The following REXO1 variants were observed in gnomAD, a reference collection of about 807,000 sequenced individuals.
The protein encoded by REXO1 is RNA exonuclease 1 homolog.
REXO1 carries 42 observed loss-of-function variants against 102.6 expected under a neutral mutation model. That is an observed-to-expected ratio of 0.41 (90% CI 0.32 to 0.53). REXO1 has a LOEUF of 0.53. Ranked by LOEUF, REXO1 falls within the 20% of genes least tolerant of loss-of-function variation. The probability of loss-of-function intolerance (pLI) is 0.27; values close to 1 mark genes in which losing one functional copy is unlikely to be tolerated. For synonymous variants in REXO1, 908 were observed against 779.1 expected, an observed-to-expected ratio of 1.17 and a Z score of -2.76; for missense variants, 1,819 against 1,732.5, an observed-to-expected ratio of 1.05 and a Z score of -0.89.
intron 6 of REXO1, 59 bp downstream of exon 6, chr19:1,820,205 G>A (rs1354458946): frequency 1.3e-6 from 2 of 1,568,170 alleles, no homozygotes; most frequent in Non-Finnish European, 1.7e-6. Flanking sequence ...GATGTCTGGG[G>A]ACCACCCTGG....
At chr19:1,821,460 G>A in intron 5 of REXO1, 59 bp downstream of exon 5, 1 of 1,604,516 alleles carries the variant, frequency 6.2e-7, no homozygotes, top group Non-Finnish European at 8.5e-7. Flanking sequence ...GTCCCATGTG[G>A]CCGGGCCTCA....
chr19:1,816,781 G>A lies in REXO1; in HGVS notation c.3234C>T (p.Arg1078=), dbSNP rs752687347. 16 of 1,612,816 alleles carry A rather than the reference G, an allele frequency of 9.9e-6. No homozygotes were observed. Among genetic ancestry groups the A allele is most frequent in the South Asian group, 2.2e-5 (2 of 91,078 alleles). ...GCACGTCCGTGTCGACCACCGTGAC[G>A]CGCGTCAGCTCCAGGCCATATGTGG... ...SYTTYGLELT[R]VTVVDTDVHV... Residue 1078 remains arginine, a synonymous_variant, in exon 13 of 16, where the codon CGC becomes CGT. Coordinates refer to ENST00000170168, the MANE Select transcript of REXO1 (RefSeq NM_020695.4).
rs541125625 is a variant in REXO1, at chr19:1,815,903, G to C, written c.*163C>G. The C allele has an allele frequency of 6.5e-7, 1 of 1,532,180 alleles. No individual in the cohort carries two copies. The highest frequency in any genetic ancestry group is 2.0e-5 in the Admixed American group (1 of 50,906). 94.9% of individuals were successfully genotyped at this position (1,532,180 alleles called of 1,614,324 possible). ...GGGGTGCGGCAGGACGTGAGCGGGG[G>C]TGGGCTGGGCTGGGCGTTCTCTGGC... On this transcript the variant is annotated 3_prime_UTR_variant, in exon 16 of 16. Transcript: ENST00000170168. The surrounding 1 kb of genome is among the most constrained non-coding windows in gnomAD (Gnocchi z 4.0).
Position 1,816,229 on chromosome 19 carries a change from G to T in REXO1, c.3573C>A (p.Asp1191Glu). ...AGGGCAGGCACCGGCACTCACCATTGTCCTGGATGATCTGTCTGAGGTAGT... is the reference window on the plus strand; with the variant it reads ...AGGGCAGGCACCGGCACTCACCATTTTCCTGGATGATCTGTCTGAGGTAGT... ...MADYLRQIIQ[D>E]NVDGHSSSED... The change falls in exon 15 of 16, where the codon GAC becomes GAA. Residue 1191 changes from aspartate (D) to glutamate (E), a missense_variant. By Grantham distance (45) the Asp-to-Glu change is conservative. Transcript: ENST00000170168. 1 of 1,584,274 alleles carries T rather than the reference G, an allele frequency of 6.3e-7. No homozygotes were observed.
intron 3 of REXO1, among the ~76,000 whole-genome samples, chr19:1,825,299 C>CAA (rs34910037): frequency 2.3e-3 from 142 of 60,852 alleles, no homozygotes; most frequent in Middle Eastern, 0.013. Context: ...GACTCCGTCT[C>CAA]AAAAAAAAAA....
At position 1,816,083 on chromosome 19, in the gene REXO1, C is replaced by T. The variant is rs1276949112; in HGVS notation, c.3649G>A (p.Ala1217Thr). 18 of 1,546,094 alleles carry T rather than the reference C, an allele frequency of 1.2e-5. No homozygotes were observed. The highest frequency in any genetic ancestry group is 1.7e-4 in the Middle Eastern group (1 of 6,018). Residue 1217 changes from alanine (A) to threonine (T), a missense_variant, in exon 16 of 16, where the codon GCC becomes ACC. Transcript: ENST00000170168. ...HLVIWKVREDAKTKR is the reference protein window; with the variant it reads ...HLVIWKVREDTKTKR ...GGCAGGCGTCATCGCTTGGTCTTGG[C>T]GTCTTCTCGAACCTTCCAGATCACC...
At chr19:1,817,132 A>AG in intron 12 of REXO1, 87 bp downstream of exon 12, 2 of 806,494 alleles carry the variant, frequency 2.5e-6, no homozygotes, top group Non-Finnish European at 3.5e-6. Flanking sequence ...CCGGTGAGCC[A>AG]GGCCCAGATG....
intron 1 of REXO1, among the ~76,000 whole-genome samples, chr19:1,829,869 G>A (rs1011980188): frequency 1.1e-4 from 16 of 152,158 alleles, no homozygotes; most frequent in Admixed American, 3.9e-4. Context: ...CTTTGAACTC[G>A]TAGACTCAAG....
intron 5 of REXO1, among the ~76,000 whole-genome samples, 164 bp downstream of exon 5, chr19:1,821,355 A>C (rs554244908): frequency 6.6e-6 from 1 of 151,880 alleles, no homozygotes; most frequent in East Asian, 1.9e-4. Flanking sequence ...AAAAAAAAAA[A>C]AAAAACACCA....
Position 1,826,746 on chromosome 19 carries a change from G to C in REXO1, c.1911+132C>G. On this transcript the variant is annotated intron_variant, in intron 2 of 15. Coordinates refer to ENST00000170168, the MANE Select transcript of REXO1 (RefSeq NM_020695.4). This position sits in a 1 kb window ranked among gnomAD's most constrained non-coding sequence, Gnocchi z 4.3. ...GCTCCTGAGATTTCAACGGGCTCAG[G>C]GACCAGCACTGAGGAGCTGCCTCCA... 1 of 1,414,076 alleles carries C rather than the reference G, an allele frequency of 7.1e-7. No individual in the cohort carries two copies. The highest frequency in any genetic ancestry group is 9.3e-7 in the Non-Finnish European group (1 of 1,074,184). 87.6% of individuals were successfully genotyped at this position (1,414,076 alleles called of 1,614,324 possible).
chr19:1,823,840 G>A (rs1287697743), intron 3 of REXO1, 55 bp from the exon 4 acceptor site: 8 of 847,892 alleles, frequency 9.4e-6, no homozygotes, highest in African/African-American at 5.3e-5. Flanking sequence ...CCTGGAGCAG[G>A]CGACCCCGGG....
rs2050239743 is a variant in REXO1, at chr19:1,827,457, G to A, written c.1332C>T (p.Ala444=). Residue 444 remains alanine, a synonymous_variant, in exon 2 of 16, where the codon GCC becomes GCT. Transcript: ENST00000170168. The part of the protein sequence containing the change: ...KKKPSSATPV[A]TSGKGRPDRP... ...GGTCAGGCCTCCCTTTCCCTGAGGT[G>A]GCCACAGGAGTGGCCGAAGATGGCT... 6.4e-7 allele frequency: 1 copy of A among 1,565,158 alleles called. No homozygotes were observed. Among genetic ancestry groups the A allele is most frequent in the Admixed American group, 2.0e-5 (1 of 48,806 alleles).
intron 1 of REXO1, among the ~76,000 whole-genome samples, chr19:1,835,407 G>T (rs1216864501): frequency 1.3e-5 from 2 of 152,154 alleles, no homozygotes; most frequent in Non-Finnish European, 1.5e-5. Flanking sequence ...AATTAGCCAG[G>T]CCTGGTGGCA....
intron 1 of REXO1, among the ~76,000 whole-genome samples, chr19:1,840,639 C>G (rs1568717072): frequency 6.6e-6 from 1 of 152,030 alleles, no homozygotes; most frequent in Non-Finnish European, 1.5e-5. Flanking sequence ...CTCGCCCCAC[C>G]CCCCTGCAAC....
rs770286989 is a variant in REXO1, at chr19:1,817,264, G to A, written c.3156C>T (p.Leu1052=). 27 of 1,613,064 alleles carry A rather than the reference G, an allele frequency of 1.7e-5. No homozygotes were observed. The South Asian group carries it at 2.7e-4, about 16-fold the overall frequency. ...AGATCCCCGGGTGGGTGTCTCCTGA[G>A]AGCTCTTTCTCAAAGGTCTTCACGA... is the stretch of plus-strand genomic sequence containing the variant. The part of the protein sequence containing the change: ...EGFVKTFEKE[L]SGDTHPGIYA... Residue 1052 remains leucine, a synonymous_variant, in exon 12 of 16, where the codon CTC becomes CTT. Transcript: ENST00000170168.
chr19:1,825,349 C>T (rs987693094), intron 3 of REXO1, among the ~76,000 whole-genome samples: 40 of 138,044 alleles, frequency 2.9e-4, no homozygotes, highest in African/African-American at 1.1e-3. Context: ...AAACAGAAAA[C>T]AGAGGGATGA....
rs537415301 is a variant in REXO1, at chr19:1,816,647, G to A, written c.3317+51C>T. ...GTGGGGCGGGGGAGGGTGGGTCCCTGGGGAGAGGCGGCTGGGAGGGCTCCC... is the reference window on the plus strand; with the variant it reads ...GTGGGGCGGGGGAGGGTGGGTCCCTAGGGAGAGGCGGCTGGGAGGGCTCCC... On this transcript the variant is annotated intron_variant, in intron 13 of 15. Transcript: ENST00000170168. The A allele has an allele frequency of 1.5e-4, 241 of 1,596,582 alleles. 1 individual carries two copies. The highest frequency in any genetic ancestry group is 1.2e-3 in the South Asian group (108 of 90,316).
chr19:1,823,836 G>C, intron 3 of REXO1, 51 bp from the exon 4 acceptor site: 1 of 888,964 alleles, frequency 1.1e-6, no homozygotes, highest in Non-Finnish European at 1.5e-6. Context: ...GGCACCTGGA[G>C]CAGGCGACCC....
chr19:1,842,207 C>T (rs1261432530), intron 1 of REXO1, among the ~76,000 whole-genome samples: 2 of 148,558 alleles, frequency 1.3e-5, no homozygotes, highest in Non-Finnish European at 3.0e-5. Context: ...GAGCCAGATT[C>T]CGTTGCAAAA....
Sources: gnomAD v4.1 joint callset for allele counts (sites outside exome capture counted in the v4.1 genomes callset) on GRCh38, gnomAD v4.1.1 for gene constraint, Gnocchi (gnomAD v3.1) non-coding constraint, MANE v1.5 for transcripts, NCBI Gene and HGNC (gene_info 2026-07-23, HGNC 2026-07-21) for gene names.